Variants in UGT1A7 observed in about 807,000 individuals in gnomAD.
UGT1A7 encodes the protein UDP glucuronosyltransferase family 1 member A7.
UGT1A7 carries 33 observed loss-of-function variants against 45.6 expected under a neutral mutation model. The ratio of observed to expected loss-of-function variants is 0.72; its 90% confidence interval spans 0.55 to 0.97. The LOEUF (loss-of-function observed/expected upper bound fraction) is 0.97, where lower values mean the gene tolerates loss of function less well. Ranked by LOEUF, UGT1A7 falls within the 50% of genes least tolerant of loss-of-function variation. The probability of loss-of-function intolerance (pLI) is 0.00; values close to 1 mark genes in which losing one functional copy is unlikely to be tolerated. For synonymous variants in UGT1A7, 274 were observed against 250.6 expected (o/e 1.09, Z -0.88); for missense variants, 684 against 666.2 (o/e 1.03, Z -0.29).
At chr2:233,736,391 T>G (rs923297750) in intron 1 of UGT1A7, among the ~76,000 whole-genome samples, 3 of 152,222 alleles carry the variant, frequency 2.0e-5, no homozygotes, top group African/African-American at 7.2e-5. Flanking sequence ...CTACAGTGTT[T>G]ATTCTAGTTA....
chr2:233,760,460 T>C (rs2125984411), intron 1 of UGT1A7: 1 of 1,614,176 alleles, frequency 6.2e-7, no homozygotes. Flanking sequence ...CATGAAATAG[T>C]TGTCCTAGCA....
Position 233,729,365 on chromosome 2 carries a change from A to C in UGT1A7, c.856-37669A>C, listed in dbSNP as rs367794808. ...GAGAACTTTTTCACCCTGACAACCT[A>C]TGCCATTTCGTGGACCCAGGATGAA... On this transcript the variant is annotated intron_variant, in intron 1 of 4. Coordinates refer to ENST00000373426, the MANE Select transcript of UGT1A7 (RefSeq NM_019077.3). 153 of 1,614,014 alleles carry C rather than the reference A, an allele frequency of 9.5e-5. No individual in the cohort carries two copies. Among genetic ancestry groups the C allele is most frequent in the Non-Finnish European group, 1.3e-4 (148 of 1,180,000 alleles).
intron 1 of UGT1A7, among the ~76,000 whole-genome samples, chr2:233,730,803 T>C (rs2078076377): frequency 6.6e-6 from 1 of 152,164 alleles, no homozygotes; most frequent in South Asian, 2.1e-4. Context: ...TGAATGGACA[T>C]GCGTCCAAGA....
chr2:233,730,435 C>G (rs1237158749), intron 1 of UGT1A7, among the ~76,000 whole-genome samples: 2 of 152,178 alleles, frequency 1.3e-5, no homozygotes, highest in African/African-American at 2.4e-5. Flanking sequence ...GTTGTCCCAT[C>G]TTGCAAATGA....
At chr2:233,742,599 A>G (rs1331499090) in intron 1 of UGT1A7, among the ~76,000 whole-genome samples, 1 of 151,848 alleles carries the variant, frequency 6.6e-6, no homozygotes, top group Non-Finnish European at 1.5e-5. Context: ...GCAACCTACC[A>G]TAGTTGGAGA....
intron 1 of UGT1A7, among the ~76,000 whole-genome samples, chr2:233,757,709 C>T (rs1363556307): frequency 2.0e-5 from 3 of 151,302 alleles, no homozygotes; most frequent in Admixed American, 6.6e-5. Context: ...CTTTGCTTCC[C>T]GGGAGGGTCC....
rs539153325 is a variant in UGT1A7, at chr2:233,714,494, T to G, written c.855+31702T>G. On this transcript the variant is annotated intron_variant, in intron 1 of 4. Coordinates refer to ENST00000373426, the MANE Select transcript of UGT1A7 (RefSeq NM_019077.3). ...AGGAGAATGTTTCTTGTGAAGACAC[T>G]ACTTAAAAAAAATTCTTACTAGGTT... Among the ~76,000 whole-genome samples, 98 of 152,310 alleles carry G rather than the reference T, an allele frequency of 6.4e-4. 1 individual carries two copies. The South Asian group carries it at 0.019, about 30-fold the overall frequency.
In UGT1A7 at chr2:233,724,657, C is replaced by T. The variant is rs536267654; in HGVS notation, c.855+41865C>T. 3.3e-4 allele frequency among the ~76,000 whole-genome samples: 47 copies of T among 142,730 alleles called. 7 individuals are homozygous for T. The East Asian group carries it at 7.4e-3, about 23-fold the overall frequency. 93.6% of individuals were successfully genotyped at this position (142,730 alleles called of 152,430 possible). On this transcript the variant is annotated intron_variant, in intron 1 of 4. Transcript: ENST00000373426. The stretch of plus-strand genomic sequence containing the variant: ...AGATGTGATGGCGGCTGGGAAGAGG[C>T]GCTCCTCACTTCCTAGATGGGATGG...
chr2:233,729,966 C>G, intron 1 of UGT1A7: 1 of 1,614,088 alleles, frequency 6.2e-7, no homozygotes, highest in Non-Finnish European at 8.5e-7. Context: ...GGGGCATCAA[C>G]TGTGCCAACA....
chr2:233,766,403 C>T (rs889722071), intron 1 of UGT1A7, among the ~76,000 whole-genome samples: 1 of 152,294 alleles, frequency 6.6e-6, no homozygotes, highest in South Asian at 2.1e-4. Flanking sequence ...TGCGTCCCTC[C>T]GCTGATGTGC....
At chr2:233,683,557 T>C (rs1257532362) in intron 1 of UGT1A7, among the ~76,000 whole-genome samples, 4 of 152,214 alleles carry the variant, frequency 2.6e-5, no homozygotes, top group Non-Finnish European at 4.4e-5. Flanking sequence ...ATTGGCCTTC[T>C]TTTGCTATTA....
chr2:233,770,293 A>G (rs1284543381), intron 4 of UGT1A7: 4 of 152,108 alleles, frequency 2.6e-5, no homozygotes, highest in African/African-American at 9.7e-5. Flanking sequence ...GAAGTGGAAA[A>G]TTTTCAAACA....
intron 1 of UGT1A7, among the ~76,000 whole-genome samples, chr2:233,706,049 C>T (rs1298808195): frequency 6.6e-6 from 1 of 152,134 alleles, no homozygotes; most frequent in Admixed American, 6.5e-5. Context: ...GAGCCGAGAT[C>T]ACGCCACTGC....
intron 1 of UGT1A7, among the ~76,000 whole-genome samples, chr2:233,746,037 G>T (rs1056217183): frequency 1.8e-4 from 28 of 151,826 alleles, no homozygotes; most frequent in Non-Finnish European, 4.1e-4. Flanking sequence ...CTTACTTGCT[G>T]GCTTGGATGC....
rs777025300 is a variant in UGT1A7, at chr2:233,693,162, G to T, written c.855+10370G>T. ...ATAGTTGAGGTTCTCAGTGACCGGG[G>T]TCATGAGATTGTAGTGGTGGTGCCT... On this transcript the variant is annotated intron_variant, in intron 1 of 4. Coordinates refer to ENST00000373426, the MANE Select transcript of UGT1A7 (RefSeq NM_019077.3). The T allele has an allele frequency of 5.0e-6, 8 of 1,614,088 alleles. No homozygotes were observed. In the Admixed American group the frequency reaches 1.3e-4, roughly 27 times the overall value.
chr2:233,734,166 G>A (rs959172847), intron 1 of UGT1A7, among the ~76,000 whole-genome samples: 2 of 151,962 alleles, frequency 1.3e-5, no homozygotes, highest in Non-Finnish European at 2.9e-5. Flanking sequence ...GACTTTTTTT[G>A]GTTGGTAGGC....
intron 1 of UGT1A7, among the ~76,000 whole-genome samples, chr2:233,748,966 G>A (rs1694075594): frequency 6.6e-6 from 1 of 151,630 alleles, no homozygotes; most frequent in Non-Finnish European, 1.5e-5. Flanking sequence ...AGTTTCTATA[G>A]TGGGATCTAC....
intron 1 of UGT1A7, chr2:233,708,819 G>A (rs2076042400): frequency 6.7e-6 from 1 of 148,988 alleles, no homozygotes; most frequent in Non-Finnish European, 1.5e-5. Flanking sequence ...CCAAATTCTT[G>A]ACTCAGTGAA....
rs1215363887 is a variant in UGT1A7, at chr2:233,682,113, T to C, written c.176T>C (p.Met59Thr). The C allele has an allele frequency of 2.5e-6, 4 of 1,614,194 alleles. No individual in the cohort carries two copies. The South Asian group carries it at 4.4e-5, about 18-fold the overall frequency. ...AGGGGGCATGAGGTGGTCGTAGTCA[T>C]GCCAGAGGTGAGTTGGCAACTGGGA... ...ILRGHEVVVV[M>T]PEVSWQLGRS... The change falls in exon 1 of 5, where the codon ATG (methionine) becomes ACG (threonine). Residue 59 changes from methionine to threonine, a missense_variant. Met to Thr is a moderately conservative substitution (Grantham distance 81, BLOSUM62 -1). Transcript: ENST00000373426.
Sources: allele counts gnomAD v4.1 joint callset (sites outside exome capture counted in the v4.1 genomes callset), GRCh38; gene constraint gnomAD v4.1.1; transcripts MANE v1.5; gene names NCBI Gene and HGNC (gene_info 2026-07-23, HGNC 2026-07-21).